DLG2: variants seen among roughly 807,000 people sequenced by gnomAD.
The protein encoded by DLG2 is disks large homolog 2.
DLG2 carries 45 observed loss-of-function variants against 132.5 expected under a neutral mutation model. The ratio of observed to expected loss-of-function variants is 0.34; its 90% CI spans 0.27 to 0.44. DLG2 has a LOEUF of 0.44. Ranked by LOEUF, DLG2 falls within the 20% of genes least tolerant of loss-of-function variation. The pLI, the probability that DLG2 is intolerant of heterozygous loss-of-function variation, is 1.00. For missense variants in DLG2, 1,045 were observed against 1,196.9 expected (o/e 0.87, Z 1.87); for synonymous variants, 424 against 419.6 (o/e 1.01, Z -0.13).
chr11:84,670,524 C>T (rs989863562), intron 6 of DLG2, among the ~76,000 whole-genome samples: 2 of 152,072 alleles, frequency 1.3e-5, no homozygotes, highest in South Asian at 2.1e-4. Context: ...CAAGTGGTGT[C>T]GATTTCACAA....
intron 18 of DLG2, among the ~76,000 whole-genome samples, chr11:83,638,798 A>C (rs1187175448): frequency 6.6e-6 from 1 of 152,182 alleles, no homozygotes; most frequent in African/African-American, 2.4e-5. Context: ...ATAATGTCCA[A>C]TTCCAAAGCT....
At chr11:84,124,157 T>C (rs1196016146) in intron 9 of DLG2, among the ~76,000 whole-genome samples, 8 of 152,220 alleles carry the variant, frequency 5.3e-5, no homozygotes, top group Non-Finnish European at 1.2e-4. Flanking sequence ...GGTGGCGTGT[T>C]CAGGTATTCA....
At chr11:83,657,574 T>C (rs1427045377) in intron 18 of DLG2, among the ~76,000 whole-genome samples, 1 of 148,064 alleles carries the variant, frequency 6.8e-6, no homozygotes, top group Non-Finnish European at 1.5e-5. Flanking sequence ...AGTCTCGTTC[T>C]GTCACCCAGG....
intron 2 of DLG2, among the ~76,000 whole-genome samples, chr11:85,607,336 G>T (rs1010335267): frequency 6.6e-6 from 1 of 152,046 alleles, no homozygotes; most frequent in African/African-American, 2.4e-5. Flanking sequence ...CTGAGCCAAG[G>T]GTCGACAGAG....
chr11:84,195,487 C>T (rs1420081071), intron 8 of DLG2, among the ~76,000 whole-genome samples: 1 of 152,044 alleles, frequency 6.6e-6, no homozygotes, highest in Non-Finnish European at 1.5e-5. Flanking sequence ...TCTCCGCCTA[C>T]CCAATATTTC....
intron 7 of DLG2, among the ~76,000 whole-genome samples, chr11:84,345,935 A>G (rs1179759118): frequency 6.6e-6 from 1 of 152,202 alleles, no homozygotes; most frequent in Non-Finnish European, 1.5e-5. Flanking sequence ...CTTTGTTTAA[A>G]AAGTTTGCTA....
chr11:84,220,258 T>G (rs1268686083), intron 8 of DLG2, among the ~76,000 whole-genome samples: 1 of 152,206 alleles, frequency 6.6e-6, no homozygotes, highest in African/African-American at 2.4e-5. Context: ...ACAAAATTCC[T>G]TATGGTACTA....
chr11:84,016,996 A>T (rs2154072022), intron 11 of DLG2, among the ~76,000 whole-genome samples: 1 of 152,184 alleles, frequency 6.6e-6, no homozygotes, highest in African/African-American at 2.4e-5. Flanking sequence ...CTGAAGGAAG[A>T]TTAGGAGCCA....
At chr11:83,928,804 G>A (rs1184538390) in intron 15 of DLG2, among the ~76,000 whole-genome samples, 4 of 152,086 alleles carry the variant, frequency 2.6e-5, no homozygotes, top group East Asian at 1.9e-4. Context: ...TAATTCATAA[G>A]AAGTATTTAA....
chr11:83,925,405 T>C (rs1204529803), intron 15 of DLG2, among the ~76,000 whole-genome samples: 1 of 152,176 alleles, frequency 6.6e-6, no homozygotes, highest in Non-Finnish European at 1.5e-5. Context: ...GTTTAATTTC[T>C]TTAAATTTGT....
At chr11:83,542,763 T>C (rs2141576954) in intron 19 of DLG2, among the ~76,000 whole-genome samples, 1 of 152,206 alleles carries the variant, frequency 6.6e-6, no homozygotes, top group South Asian at 2.1e-4. Flanking sequence ...ACCACTCCTA[T>C]ATTGTCCACA....
chr11:85,022,410 T>G (rs1210941294), intron 6 of DLG2, among the ~76,000 whole-genome samples: 2 of 152,042 alleles, frequency 1.3e-5, no homozygotes, highest in African/African-American at 2.4e-5. Context: ...GAAAATAATA[T>G]AACCACAAAT....
chr11:84,079,969 C>T (rs1460226006), intron 10 of DLG2, among the ~76,000 whole-genome samples: 1 of 152,152 alleles, frequency 6.6e-6, no homozygotes, highest in African/African-American at 2.4e-5. Context: ...CAAGGCTTCC[C>T]CTGAGTATCT....
chr11:84,909,410 C>T (rs536019577), intron 6 of DLG2, among the ~76,000 whole-genome samples: 2 of 152,250 alleles, frequency 1.3e-5, no homozygotes, highest in East Asian at 3.9e-4. Context: ...CATTTTCTTG[C>T]TATGTGACTT....
intron 18 of DLG2, among the ~76,000 whole-genome samples, chr11:83,733,728 A>G (rs1053645911): frequency 2.0e-5 from 3 of 152,184 alleles, no homozygotes; most frequent in African/African-American, 7.2e-5. Context: ...CCTTCATCTA[A>G]GAAATTTCCA....
intron 6 of DLG2, chr11:84,923,214 C>A: frequency 6.3e-7 from 1 of 1,590,788 alleles, no homozygotes; most frequent in South Asian, 1.1e-5. Flanking sequence ...TAAAGAGCAT[C>A]CGTTCCCTCT....
chr11:85,360,710 T>A (rs2084075762), intron 3 of DLG2, among the ~76,000 whole-genome samples: 1 of 152,150 alleles, frequency 6.6e-6, no homozygotes, highest in Non-Finnish European at 1.5e-5. Context: ...TGCTCACACT[T>A]TCAACTTTAC....
chr11:84,932,043 A>G (rs938802949), intron 6 of DLG2, among the ~76,000 whole-genome samples: 1 of 152,170 alleles, frequency 6.6e-6, no homozygotes, highest in African/African-American at 2.4e-5. Context: ...AATACTTTGC[A>G]AAATTTTTCT....
At position 83,643,448 on chromosome 11, in the gene DLG2, T is replaced by A. The variant is rs938648771; in HGVS notation, c.1826-10123A>T. ...TTTAATTGGTGTGATTTATAGCTAA[T>A]GGTGCATCAGAAGGAGGAACTAGGA... On this transcript the variant is annotated intron_variant, in intron 18 of 27. Coordinates refer to ENST00000376104, the MANE Select transcript of DLG2 (RefSeq NM_001142699.3). 2.6e-5 allele frequency among the ~76,000 whole-genome samples: 4 copies of A among 152,200 alleles called. No homozygotes were observed. In the East Asian group the frequency reaches 7.7e-4, roughly 29 times the overall value.
Sources: gnomAD v4.1 joint callset for allele counts (sites outside exome capture counted in the v4.1 genomes callset) on GRCh38, gnomAD v4.1.1 for gene constraint, MANE v1.5 for transcripts, NCBI Gene and HGNC (gene_info 2026-07-23, HGNC 2026-07-21) for gene names.